DNAJC24: variants seen among roughly 807,000 people sequenced by gnomAD.
The protein encoded by DNAJC24 is dnaJ homolog subfamily C member 24.
A neutral mutation model predicts 18.0 loss-of-function variants in DNAJC24; 17 were observed. The ratio of observed to expected loss-of-function variants is 0.94; its 90% CI spans 0.65 to 1.42. The LOEUF (loss-of-function observed/expected upper bound fraction) is 1.42. Among genes scored for constraint, DNAJC24 ranks in the 40% most tolerant of loss-of-function variants. The pLI, the probability that DNAJC24 is intolerant of heterozygous loss-of-function variation, is 0.00. For missense variants in DNAJC24, 158 were observed against 175.6 expected, an observed-to-expected ratio of 0.90 and a Z score of 0.57; for synonymous variants, 55 against 57.7, an observed-to-expected ratio of 0.95 and a Z score of 0.21.
chr11:31,392,354 T>C (rs963146724), intron 2 of DNAJC24, among the ~76,000 whole-genome samples: 1 of 152,142 alleles, frequency 6.6e-6, no homozygotes, highest in Non-Finnish European at 1.5e-5. Context: ...CACAATACCG[T>C]ATGTAATCCA....
intron 3 of DNAJC24, among the ~76,000 whole-genome samples, chr11:31,423,517 T>C (rs1285220233): frequency 1.3e-5 from 2 of 152,174 alleles, no homozygotes; most frequent in African/African-American, 4.8e-5. Context: ...CGCCTCGGCC[T>C]CCCAGAGTGC....
intron 2 of DNAJC24, among the ~76,000 whole-genome samples, chr11:31,373,166 G>A (rs956107607): frequency 1.5e-5 from 2 of 134,318 alleles, no homozygotes; most frequent in Non-Finnish European, 3.4e-5. Flanking sequence ...GTCTTTTGAT[G>A]CAGAGTTTTT....
intron 2 of DNAJC24, among the ~76,000 whole-genome samples, chr11:31,402,560 G>A (rs780673771): frequency 5.9e-5 from 9 of 152,056 alleles, no homozygotes; most frequent in Non-Finnish European, 1.0e-4. Context: ...CCATGTTAGC[G>A]GGCAGTGGTG....
intron 2 of DNAJC24, among the ~76,000 whole-genome samples, chr11:31,372,723 C>T (rs1456504535): frequency 7.4e-6 from 1 of 136,008 alleles, no homozygotes; most frequent in Non-Finnish European, 1.7e-5. Context: ...TGCTCTACAG[C>T]TTTGCCAATA....
intron 2 of DNAJC24, among the ~76,000 whole-genome samples, chr11:31,394,521 G>GT (rs140700563): frequency 5.2e-4 from 78 of 149,170 alleles, no homozygotes; most frequent in Middle Eastern, 3.5e-3. Context: ...CCACCACACT[G>GT]TTTTTTTTTC....
At chr11:31,389,846 A>G (rs1564949523) in intron 2 of DNAJC24, among the ~76,000 whole-genome samples, 1 of 152,254 alleles carries the variant, frequency 6.6e-6, no homozygotes, top group Non-Finnish European at 1.5e-5. Context: ...CTAGAAATCA[A>G]TAACAAGGAA....
chr11:31,380,498 TGTCA>T (rs773221347), intron 2 of DNAJC24, among the ~76,000 whole-genome samples: 5 of 152,242 alleles, frequency 3.3e-5, no homozygotes, highest in Non-Finnish European at 5.9e-5. Flanking sequence ...AAAACATTTT[TGTCA>T]GTCCTTTCTG....
chr11:31,420,556 G>T (rs1382450077), intron 3 of DNAJC24, among the ~76,000 whole-genome samples: 1 of 152,086 alleles, frequency 6.6e-6, no homozygotes, highest in African/African-American at 2.4e-5. Context: ...GTCTGGTATA[G>T]ATAGCTCAAC....
intron 4 of DNAJC24, among the ~76,000 whole-genome samples, chr11:31,428,238 T>C (rs1952884372): frequency 6.6e-6 from 1 of 152,052 alleles, no homozygotes; most frequent in South Asian, 2.1e-4. Context: ...AAAGAAGATA[T>C]AGAAGAATCC....
At chr11:31,428,667 G>T (rs1293908810) in intron 4 of DNAJC24, among the ~76,000 whole-genome samples, 1 of 152,104 alleles carries the variant, frequency 6.6e-6, no homozygotes, top group African/African-American at 2.4e-5. Context: ...TGCTTAAAAG[G>T]CATATGTGAG....
chr11:31,377,769 T>C (rs1229087162), intron 2 of DNAJC24, among the ~76,000 whole-genome samples: 1 of 152,132 alleles, frequency 6.6e-6, no homozygotes. Context: ...CCACTGATCC[T>C]GATAATATTA....
intron 2 of DNAJC24, among the ~76,000 whole-genome samples, chr11:31,383,365 A>T (rs1347443194): frequency 6.6e-6 from 1 of 152,140 alleles, no homozygotes; most frequent in Admixed American, 6.5e-5. Context: ...CCATTAGCAT[A>T]CAAAAGATAC....
At chr11:31,415,041 A>C (rs536868592) in intron 3 of DNAJC24, 92 bp downstream of exon 3, 1 of 1,405,898 alleles carries the variant, frequency 7.1e-7, no homozygotes, top group Non-Finnish European at 9.6e-7. Flanking sequence ...CAGCATTTGC[A>C]CCAAGTGTTA....
intron 2 of DNAJC24, among the ~76,000 whole-genome samples, chr11:31,390,705 TAAAA>T (rs34050503): frequency 1.8e-5 from 2 of 114,088 alleles, no homozygotes; most frequent in Admixed American, 9.2e-5. Flanking sequence ...GATTCCATCT[TAAAA>T]AAAAAAAAAA....
intron 3 of DNAJC24, chr11:31,416,226 T>TG (rs1368621029): frequency 6.6e-6 from 1 of 152,208 alleles, no homozygotes; most frequent in Non-Finnish European, 1.5e-5. Flanking sequence ...GCTTGAATAT[T>TG]GGGTTCTGCT....
intron 2 of DNAJC24, among the ~76,000 whole-genome samples, chr11:31,371,611 A>G (rs79938191): frequency 0.016 from 2,395 of 152,242 alleles, 22 homozygotes; most frequent in Middle Eastern, 0.027. Flanking sequence ...TGTGGATTAT[A>G]TATTGAAATG....
intron 2 of DNAJC24, among the ~76,000 whole-genome samples, chr11:31,398,863 G>A (rs1204296971): frequency 6.6e-6 from 1 of 152,066 alleles, no homozygotes; most frequent in Non-Finnish European, 1.5e-5. Context: ...TATTTAGCAG[G>A]GATGACTTTA....
intron 3 of DNAJC24, chr11:31,422,053 C>T: frequency 2.6e-6 from 1 of 388,558 alleles, no homozygotes. Context: ...AATTCTTTCA[C>T]CTCTTGTTGT....
chr11:31,393,709 G>A (rs1207688741), intron 2 of DNAJC24, among the ~76,000 whole-genome samples: 1 of 152,116 alleles, frequency 6.6e-6, no homozygotes, highest in African/African-American at 2.4e-5. Context: ...CCAGAACTGT[G>A]AGCCAATAAA....
Sources: gnomAD v4.1 joint callset for allele counts (sites outside exome capture counted in the v4.1 genomes callset) on GRCh38, gnomAD v4.1.1 for gene constraint, MANE v1.5 for transcripts, NCBI Gene and HGNC (gene_info 2026-07-23, HGNC 2026-07-21) for gene names.